Variants in ZNF268 observed in about 807,000 individuals in gnomAD.
ZNF268 encodes the protein zinc finger protein 268, also known as zinc finger protein 3.
A neutral mutation model predicts 29.3 loss-of-function variants in ZNF268; 20 were observed. That is an observed-to-expected ratio of 0.68 (90% CI 0.48 to 0.99). The LOEUF is 0.99. Ranked by LOEUF, ZNF268 falls within the 50% of genes least tolerant of loss-of-function variation. ZNF268 has a pLI of 0.00. For missense variants in ZNF268, 1,240 were observed against 1,121.6 expected (o/e 1.11, Z -1.51); for synonymous variants, 429 against 376.9 (o/e 1.14, Z -1.60).
intron 3 of ZNF268, among the ~76,000 whole-genome samples, chr12:133,190,592 T>G (rs1956443033): frequency 6.6e-6 from 1 of 152,226 alleles, no homozygotes; most frequent in South Asian, 2.1e-4. Flanking sequence ...ATCTGTATAT[T>G]TTCATGTTTA....
chr12:133,205,167 AAAAAAAC>A lies in ZNF268; in HGVS notation c.*638_*644del, dbSNP rs1477953180. 1.7e-3 allele frequency: 236 copies of A among 142,178 alleles called. 16 individuals carry two copies. Among genetic ancestry groups the A allele is most frequent in the East Asian group, 0.014 (67 of 4,830 alleles). 8.8% of individuals were successfully genotyped at this position (142,178 alleles called of 1,614,324 possible). ...TCTAAAAAAAAAAAAAAAAAAAAAA[AAAAAAAC>A]CAACCTGTTATTATATCTTAATATT... On this transcript the variant is annotated 3_prime_UTR_variant, in exon 6 of 6. Coordinates refer to ENST00000536435, the MANE Select transcript of ZNF268 (RefSeq NM_003415.3).
intron 2 of ZNF268, among the ~76,000 whole-genome samples, chr12:133,182,298 T>C (rs1956196113): frequency 1.3e-5 from 2 of 152,200 alleles, no homozygotes; most frequent in Non-Finnish European, 2.9e-5. Flanking sequence ...CATCTTTCAG[T>C]TTTTTCAGCC....
intron 2 of ZNF268, chr12:133,184,647 C>G (rs1329397493): frequency 7.1e-6 from 3 of 422,650 alleles, no homozygotes; most frequent in African/African-American, 4.1e-5. Context: ...GAGACTGAGT[C>G]TCGCTCTGTC....
In ZNF268 at chr12:133,209,335, T is replaced by C. The variant is rs1049701905; in HGVS notation, c.*4805T>C. On this transcript the variant is annotated 3_prime_UTR_variant, in exon 6 of 6. Coordinates refer to ENST00000536435, the MANE Select transcript of ZNF268 (RefSeq NM_003415.3). ...GTTTTCCAGTCTGGTTTCAAACTCC[T>C]GGGCTCAAGCAGTCCACCTGCCTTG... 1 of 152,156 alleles carries C rather than the reference T, an allele frequency of 6.6e-6. No homozygotes were observed. The highest frequency in any genetic ancestry group is 6.6e-5 in the Admixed American group (1 of 15,264). The allele number at this position is 152,156 out of a possible 1,614,324, so 9.4% of individuals were successfully genotyped here.
chr12:133,191,329 A>G (rs1308168149), intron 3 of ZNF268, 160 bp from the exon 4 acceptor site: 20 of 801,732 alleles, frequency 2.5e-5, no homozygotes, highest in Non-Finnish European at 3.4e-5. Context: ...CAAAAAAAAA[A>G]AAAGAAAGAA....
At position 133,213,574 on chromosome 12, in the gene ZNF268, T is replaced by C. The variant is rs971443156; in HGVS notation, c.*9044T>C. On this transcript the variant is annotated 3_prime_UTR_variant, in exon 6 of 6. Transcript: ENST00000536435. ...AGCCGGGTGTGGTGGCATGTGCCTG[T>C]AATCCCAGCAACTCAGGAAGCTGAG... 2.6e-5 allele frequency: 4 copies of C among 151,654 alleles called. No homozygotes were observed. The highest frequency in any genetic ancestry group is 9.7e-5 in the African/African-American group (4 of 41,230). The allele number at this position is 151,654 out of a possible 1,614,324, so 9.4% of individuals were successfully genotyped here. A position where few individuals can be genotyped will look rare whatever the true frequency, so the allele number is the denominator to read the frequency against.
intron 5 of ZNF268, among the ~76,000 whole-genome samples, chr12:133,200,209 G>A (rs1218324519): frequency 6.6e-6 from 1 of 152,170 alleles, no homozygotes; most frequent in African/African-American, 2.4e-5. Flanking sequence ...ATGTGTCCCA[G>A]AGATTCTGGT....
At chr12:133,199,508 G>A (rs868408572) in intron 5 of ZNF268, among the ~76,000 whole-genome samples, 2 of 151,602 alleles carry the variant, frequency 1.3e-5, no homozygotes, top group Admixed American at 1.3e-4. Flanking sequence ...TTTTTTGGTT[G>A]TGTCTCTGCC....
intron 3 of ZNF268, among the ~76,000 whole-genome samples, chr12:133,190,469 G>GT (rs777049340): frequency 2.4e-4 from 36 of 152,258 alleles, no homozygotes; most frequent in African/African-American, 7.9e-4. Flanking sequence ...TTGGTGGTCA[G>GT]TTTTTTGGAT....
At position 133,203,024 on chromosome 12, in the gene ZNF268, T is replaced by G. The variant is rs1956793187; in HGVS notation, c.1338T>G (p.Cys446Trp). ...RTHTGEKPYV[C>W]SDCGKAFTFK... ...ATACAGGGGAGAAACCTTATGTTTG[T>G]AGTGATTGTGGAAAAGCCTTTACAT... is the stretch of plus-strand genomic sequence containing the variant. Residue 446 changes from cysteine (C) to tryptophan (W), a missense_variant, in exon 6 of 6, where the codon TGT (cysteine) becomes TGG (tryptophan). Physicochemically the swap from Cys to Trp is radical, Grantham distance 215 (BLOSUM62 -2). This residue lies in a region of ZNF268 where 1,177 missense variants were observed against 1,039.6 expected (regional missense o/e 1.13). Coordinates refer to ENST00000536435, the MANE Select transcript of ZNF268 (RefSeq NM_003415.3). 6.5e-7 allele frequency: 1 copy of G among 1,544,702 alleles called. No homozygotes were observed. The highest frequency in any genetic ancestry group is 1.4e-5 in the African/African-American group (1 of 73,264).
intron 3 of ZNF268, among the ~76,000 whole-genome samples, chr12:133,191,283 C>G (rs1173554006): frequency 3.3e-5 from 5 of 151,230 alleles, no homozygotes; most frequent in Non-Finnish European, 5.9e-5. Context: ...CACCACTGCA[C>G]TCCATCCTGG....
rs58218652 is a variant in ZNF268 at position 133,196,319 on chromosome 12, TAAA to T, written c.457+4335_457+4337del. On this transcript the variant is annotated intron_variant, in intron 5 of 5. Transcript: ENST00000536435. ...CCTGGCGACAGAGTGAGACTCCATCTAAAAAAAAAAAAAAAAAAAAAGCCTGTC... is the reference window on the plus strand; with the variant it reads ...CCTGGCGACAGAGTGAGACTCCATCTAAAAAAAAAAAAAAAAAAGCCTGTC... Among the ~76,000 whole-genome samples, 289 of 100,946 alleles carry T rather than the reference TAAA, an allele frequency of 2.9e-3. 2 individuals are homozygous for T. Among genetic ancestry groups the T allele is most frequent in the African/African-American group, 8.7e-3 (249 of 28,478 alleles). The allele number at this position is 100,946 out of a possible 152,430, so 66.2% of individuals were successfully genotyped here.
In ZNF268 at chr12:133,203,866, G is replaced by C; in HGVS notation, c.2180G>C (p.Arg727Thr). The C allele has an allele frequency of 1.3e-6, 2 of 1,568,394 alleles. No homozygotes were observed. The highest frequency in any genetic ancestry group is 2.7e-5 in the African/African-American group (2 of 73,790). The change falls in exon 6 of 6, where the codon AGG becomes ACG. Residue 727 changes from arginine to threonine, a missense_variant. Physicochemically the swap from Arg to Thr is moderately conservative, Grantham distance 71. Coordinates refer to ENST00000536435, the MANE Select transcript of ZNF268 (RefSeq NM_003415.3). ...THTGEKPHEC[R>T]ECGKSFSFNS... ...ACAGGAGAGAAACCACATGAGTGCA[G>C]GGAATGCGGGAAATCCTTTAGTTTC...
At chr12:133,192,307 C>T (rs1425462203) in intron 5 of ZNF268, among the ~76,000 whole-genome samples, 3 of 151,876 alleles carry the variant, frequency 2.0e-5, no homozygotes, top group African/African-American at 7.3e-5. Flanking sequence ...GGGGTTTTGC[C>T]GTGTTGGCCA....
At chr12:133,187,223 C>A (rs1040563193) in intron 2 of ZNF268, among the ~76,000 whole-genome samples, 4 of 151,360 alleles carry the variant, frequency 2.6e-5, no homozygotes, top group African/African-American at 9.7e-5. Flanking sequence ...CCTTCTAGGT[C>A]GTTGGCGCTT....
chr12:133,213,054 TG>T lies in ZNF268; in HGVS notation c.*8526del, dbSNP rs1957010301. 6.6e-6 allele frequency: 1 copy of T among 152,180 alleles called. No homozygotes were observed. The highest frequency in any genetic ancestry group is 1.5e-5 in the Non-Finnish European group (1 of 68,054). The allele number at this position is 152,180 out of a possible 1,614,324, so 9.4% of individuals were successfully genotyped here. A position where few individuals can be genotyped will look rare whatever the true frequency, so the allele number is the denominator to read the frequency against. On this transcript the variant is annotated 3_prime_UTR_variant, in exon 6 of 6. Coordinates refer to ENST00000536435, the MANE Select transcript of ZNF268 (RefSeq NM_003415.3). ...TAGTAGAGACAGGGTTTCACCATGTTGGCCAGGCCAGGCTAGTCTCAAACTC... is the reference window on the plus strand; with the variant it reads ...TAGTAGAGACAGGGTTTCACCATGTTGCCAGGCCAGGCTAGTCTCAAACTC...
At chr12:133,183,081 C>T (rs1184884608) in intron 2 of ZNF268, among the ~76,000 whole-genome samples, 1 of 152,172 alleles carries the variant, frequency 6.6e-6, no homozygotes, top group Non-Finnish European at 1.5e-5. Flanking sequence ...TGCGAAAGAT[C>T]TAGGTTGCGC....
At position 133,210,184 on chromosome 12, in the gene ZNF268, T is replaced by A. The variant is rs558792461; in HGVS notation, c.*5654T>A. On this transcript the variant is annotated 3_prime_UTR_variant, in exon 6 of 6. Transcript: ENST00000536435. Reference sequence around the variant, plus strand: ...GCCTCCATGTATCCCAAAGGTGAGATGACATCGCCCCAGATTGGTCCGGAA... The same window carrying A: ...GCCTCCATGTATCCCAAAGGTGAGAAGACATCGCCCCAGATTGGTCCGGAA... 1 of 152,306 alleles carries A rather than the reference T, an allele frequency of 6.6e-6. No individual in the cohort carries two copies. Among genetic ancestry groups the A allele is most frequent in the Non-Finnish European group, 1.5e-5 (1 of 68,138 alleles). The allele number at this position is 152,306 out of a possible 1,614,324, so 9.4% of individuals were successfully genotyped here. A position where few individuals can be genotyped will look rare whatever the true frequency, so the allele number is the denominator to read the frequency against.
In ZNF268 at chr12:133,204,749, ACT is replaced by A. The variant is rs1956856850; in HGVS notation, c.*222_*223del. On this transcript the variant is annotated 3_prime_UTR_variant, in exon 6 of 6. Coordinates refer to ENST00000536435, the MANE Select transcript of ZNF268 (RefSeq NM_003415.3). The stretch of plus-strand genomic sequence containing the variant: ...CACAGGAAAACTGAATTTAGTAACC[ACT>A]CTGAAAATTTTTAGCAGCAAGTCAT... 7.3e-6 allele frequency: 3 copies of A among 408,168 alleles called. No homozygotes were observed. The highest frequency in any genetic ancestry group is 3.6e-5 in the East Asian group (1 of 27,418). The allele number at this position is 408,168 out of a possible 1,614,324, so 25.3% of individuals were successfully genotyped here. A position where few individuals can be genotyped will look rare whatever the true frequency, so the allele number is the denominator to read the frequency against.
Sources: allele counts gnomAD v4.1 joint callset (sites outside exome capture counted in the v4.1 genomes callset), GRCh38; gene constraint gnomAD v4.1.1; regional missense constraint gnomAD v4.1.1; transcripts MANE v1.5; gene names NCBI Gene and HGNC (gene_info 2026-07-23, HGNC 2026-07-21).